DTNA: variants seen among roughly 807,000 people sequenced by gnomAD.
DTNA encodes dystrophin-related protein 3.
Under a neutral mutation model 100.7 loss-of-function variants are expected in DTNA, and 43 were observed. The observed-to-expected ratio is 0.43, with a 90% confidence interval of 0.33 to 0.55. The LOEUF (loss-of-function observed/expected upper bound fraction) is 0.55. Among genes scored for constraint, DTNA ranks in the 20% least tolerant of loss-of-function variants. The pLI is 0.04. For missense variants in DTNA, 798 were observed against 953.9 expected (o/e 0.84, Z 2.15); for synonymous variants, 349 against 347.9 (o/e 1.00, Z -0.04).
intron 1 of DTNA, among the ~76,000 whole-genome samples, chr18:34,701,288 T>C (rs1358742282): frequency 1.3e-5 from 2 of 152,210 alleles, no homozygotes; most frequent in Admixed American, 1.3e-4. Flanking sequence ...GTTAAGTCAC[T>C]GTAATCTCCA....
At chr18:34,732,347 A>G (rs997152931) in intron 1 of DTNA, among the ~76,000 whole-genome samples, 8 of 152,230 alleles carry the variant, frequency 5.3e-5, no homozygotes, top group Admixed American at 1.3e-4. Flanking sequence ...CTCTAGGAAT[A>G]TAACTCATTC....
At chr18:34,797,225 G>T (rs1279333803) in intron 4 of DTNA, among the ~76,000 whole-genome samples, 2 of 152,252 alleles carry the variant, frequency 1.3e-5, no homozygotes, top group African/African-American at 4.8e-5. Context: ...CTGGGAGGGG[G>T]TCACCCAGGG....
At chr18:34,511,137 T>C (rs2144907499) in intron 1 of DTNA, among the ~76,000 whole-genome samples, 1 of 152,244 alleles carries the variant, frequency 6.6e-6, no homozygotes, top group African/African-American at 2.4e-5. Flanking sequence ...ATTGTCATTG[T>C]TACTAGGATC....
chr18:34,663,814 C>G (rs2075532942), intron 1 of DTNA, among the ~76,000 whole-genome samples: 1 of 152,154 alleles, frequency 6.6e-6, no homozygotes, highest in South Asian at 2.1e-4. Flanking sequence ...CAATACCTTT[C>G]TTGATGAGAC....
intron 1 of DTNA, among the ~76,000 whole-genome samples, chr18:34,518,959 T>C (rs908615322): frequency 6.6e-6 from 1 of 151,986 alleles, no homozygotes; most frequent in Non-Finnish European, 1.5e-5. Context: ...TTGCAATAGC[T>C]TAATGAGAGA....
chr18:34,570,637 T>G (rs1472151745), intron 1 of DTNA, among the ~76,000 whole-genome samples: 1 of 152,218 alleles, frequency 6.6e-6, no homozygotes, highest in Admixed American at 6.5e-5. Flanking sequence ...TGCACAGATT[T>G]GCATTGCTGT....
chr18:34,784,727 T>A (rs972460671), intron 3 of DTNA, among the ~76,000 whole-genome samples: 2 of 152,224 alleles, frequency 1.3e-5, no homozygotes, highest in African/African-American at 4.8e-5. Flanking sequence ...GCTCTCATAT[T>A]TTGTTAAATC....
chr18:34,848,232 T>G, intron 13 of DTNA, 64 bp from the exon 14 acceptor site: 1 of 1,526,048 alleles, frequency 6.6e-7, no homozygotes, highest in Non-Finnish European at 9.1e-7. Flanking sequence ...CTCCTTGTGG[T>G]AAAATGACTG....
chr18:34,644,490 T>A (rs999178310), intron 1 of DTNA, among the ~76,000 whole-genome samples: 5 of 152,158 alleles, frequency 3.3e-5, no homozygotes, highest in African/African-American at 1.2e-4. Flanking sequence ...AACATTTAAA[T>A]CTTACTAGGG....
rs1456967564 is a variant in DTNA at position 34,820,906 on chromosome 18, C to G, written c.992C>G (p.Ala331Gly). The G allele has an allele frequency of 1.9e-6, 3 of 1,613,882 alleles. No individual in the cohort carries two copies. The African/African-American group carries it at 4.0e-5, about 22-fold the overall frequency. The change falls in exon 9 of 23, where the codon GCT becomes GGT. Residue 331 changes from alanine (A) to glycine (G), a missense_variant. This residue lies in a region of DTNA where 93 missense variants were observed against 90.5 expected (regional missense o/e 1.03). Transcript: ENST00000444659. ...PDQPEKPLNL[A>G]HIVPPRPVTS... ...CAGCCTGAGAAGCCACTCAACTTGG[C>G]TCACATCGTGTGAGTATCCCTACCC... is the stretch of plus-strand genomic sequence containing the variant.
intron 1 of DTNA, among the ~76,000 whole-genome samples, chr18:34,614,706 GATAGA>G (rs1282404593): frequency 6.6e-6 from 1 of 152,216 alleles, no homozygotes; most frequent in Non-Finnish European, 1.5e-5. Flanking sequence ...GCGATCTTTT[GATAGA>G]ACTTGAAAAC....
intron 1 of DTNA, among the ~76,000 whole-genome samples, chr18:34,668,891 A>G (rs2144922712): frequency 6.6e-6 from 1 of 152,322 alleles, no homozygotes; most frequent in East Asian, 1.9e-4. Context: ...GCTGAGAAGA[A>G]GGTATATTCT....
chr18:34,764,417 G>A (rs185968182), intron 2 of DTNA, among the ~76,000 whole-genome samples: 25 of 152,204 alleles, frequency 1.6e-4, no homozygotes, highest in Admixed American at 7.9e-4. Context: ...ATAATCCTAC[G>A]TGGCCATTGG....
chr18:34,601,052 A>T (rs967220356), intron 1 of DTNA, among the ~76,000 whole-genome samples: 1 of 152,178 alleles, frequency 6.6e-6, no homozygotes, highest in Admixed American at 6.5e-5. Flanking sequence ...GGCTTAGCCC[A>T]GGAGGGTTTT....
chr18:34,622,287 G>C (rs1372793650), intron 1 of DTNA, among the ~76,000 whole-genome samples: 1 of 152,144 alleles, frequency 6.6e-6, no homozygotes, highest in East Asian at 1.9e-4. Flanking sequence ...CCCTAGTAAA[G>C]TAGGGAGGTG....
At chr18:34,750,942 C>T (rs955182503) in intron 1 of DTNA, among the ~76,000 whole-genome samples, 1 of 152,172 alleles carries the variant, frequency 6.6e-6, no homozygotes, top group Non-Finnish European at 1.5e-5. Flanking sequence ...ACACTGTATT[C>T]CCTACCTTTG....
chr18:34,824,559 A>G (rs1453396296), intron 9 of DTNA, among the ~76,000 whole-genome samples: 1 of 152,158 alleles, frequency 6.6e-6, no homozygotes, highest in Non-Finnish European at 1.5e-5. Context: ...GTACCCCAGA[A>G]CTTAAAGTAA....
At chr18:34,665,221 T>C (rs934801708) in intron 1 of DTNA, among the ~76,000 whole-genome samples, 1 of 152,076 alleles carries the variant, frequency 6.6e-6, no homozygotes, top group African/African-American at 2.4e-5. Context: ...ACCACCCATA[T>C]TTTGCACACA....
At chr18:34,621,642 G>A (rs2056525059) in intron 1 of DTNA, among the ~76,000 whole-genome samples, 1 of 152,142 alleles carries the variant, frequency 6.6e-6, no homozygotes, top group Admixed American at 6.6e-5. Flanking sequence ...CATAGAAATT[G>A]ATAATAGAAT....
Sources: gnomAD v4.1 joint callset for allele counts (sites outside exome capture counted in the v4.1 genomes callset) on GRCh38, gnomAD v4.1.1 for gene constraint, gnomAD v4.1.1 regional missense constraint, MANE v1.5 for transcripts, NCBI Gene and HGNC (gene_info 2026-07-23, HGNC 2026-07-21) for gene names.